The following LAMA2 variants were observed in gnomAD, a reference collection of about 807,000 sequenced individuals.
LAMA2 encodes laminin subunit alpha 2, also known as laminin subunit alpha-2.
Under a neutral mutation model 364.8 loss-of-function variants are expected in LAMA2, and 269 were observed. That is an observed-to-expected ratio of 0.74 (90% confidence interval 0.67 to 0.82). The LOEUF (loss-of-function observed/expected upper bound fraction) is 0.82. Ranked by LOEUF, LAMA2 falls within the 40% of genes least tolerant of loss-of-function variation. The pLI, the probability that LAMA2 is intolerant of heterozygous loss-of-function variation, is 0.00. For missense variants in LAMA2, 3,807 were observed against 3,873.2 expected (o/e 0.98, Z 0.45); for synonymous variants, 1,379 against 1,370.6 (o/e 1.01, Z -0.14).
intron 18 of LAMA2, among the ~76,000 whole-genome samples, chr6:129,281,055 A>G (rs1323370451): frequency 6.6e-6 from 1 of 152,182 alleles, no homozygotes; most frequent in Non-Finnish European, 1.5e-5. Flanking sequence ...GAATTTAGCT[A>G]GCAACTAGCA....
At chr6:129,320,445 A>T (rs1774893019) in intron 27 of LAMA2, 93 bp from the exon 28 acceptor site, 2 of 819,906 alleles carry the variant, frequency 2.4e-6, no homozygotes, top group Admixed American at 3.4e-5. Context: ...GGTTGACAAA[A>T]ACGTGAGAAG....
chr6:129,315,490 T>A lies in LAMA2; in HGVS notation c.3570T>A (p.Ala1190=), dbSNP rs373757863. 4.3e-6 allele frequency: 7 copies of A among 1,614,214 alleles called. No homozygotes were observed. The South Asian group carries it at 7.7e-5, about 18-fold the overall frequency. Residue 1190 remains alanine, a synonymous_variant, in exon 25 of 65, where the codon GCT becomes GCA. Transcript: ENST00000421865. ...ACCCCTTGCAGGTGACTCTGAAGGC[T>A]GAGCAGACCATTCTACCCCTGGTAG... ...GLIRTWVTLK[A]EQTILPLVDE... is the part of the protein sequence containing the mutation.
intron 3 of LAMA2, among the ~76,000 whole-genome samples, chr6:129,078,252 G>A (rs1414145432): frequency 6.6e-6 from 1 of 151,514 alleles, no homozygotes; most frequent in South Asian, 2.1e-4. Context: ...CTCCTGCCTC[G>A]GCTTCCTGAG....
chr6:128,996,580 C>CATTCT (rs1456258242), intron 1 of LAMA2, among the ~76,000 whole-genome samples: 41 of 152,124 alleles, frequency 2.7e-4, no homozygotes, highest in Non-Finnish European at 5.4e-4. Flanking sequence ...AATGAGATAC[C>CATTCT]AACTCATGCC....
chr6:129,023,492 A>G (rs919064803), intron 1 of LAMA2, among the ~76,000 whole-genome samples: 1 of 152,150 alleles, frequency 6.6e-6, no homozygotes, highest in African/African-American at 2.4e-5. Flanking sequence ...AAAGTCTAAC[A>G]TCTAGGCTTT....
intron 1 of LAMA2, among the ~76,000 whole-genome samples, chr6:129,019,453 A>AT (rs1562924434): frequency 6.6e-6 from 1 of 151,362 alleles, no homozygotes; most frequent in African/African-American, 2.4e-5. Context: ...TATTTTCAGT[A>AT]TTTTTTTGTT....
intron 4 of LAMA2, among the ~76,000 whole-genome samples, chr6:129,115,019 A>T (rs1776386028): frequency 1.3e-5 from 2 of 152,146 alleles, no homozygotes; most frequent in South Asian, 2.1e-4. Context: ...TAAAATCCAC[A>T]TAAGAATATT....
intron 41 of LAMA2, chr6:129,436,887 C>G (rs1326789362): frequency 1.3e-5 from 2 of 152,050 alleles, no homozygotes; most frequent in Non-Finnish European, 2.9e-5. Context: ...AAATATGGAA[C>G]ACTTTGCATA....
At chr6:129,320,833 C>A (rs1306063910) in intron 28 of LAMA2, among the ~76,000 whole-genome samples, 178 bp downstream of exon 28, 1 of 152,054 alleles carries the variant, frequency 6.6e-6, no homozygotes, top group Non-Finnish European at 1.5e-5. Context: ...ACAAATCATA[C>A]CTGAAGGGAA....
intron 32 of LAMA2, among the ~76,000 whole-genome samples, chr6:129,354,098 T>G (rs1351440402): frequency 3.3e-5 from 5 of 152,234 alleles, no homozygotes. Flanking sequence ...AGGAAATTTA[T>G]TTTAGCACCT....
intron 33 of LAMA2, among the ~76,000 whole-genome samples, 166 bp from the exon 34 acceptor site, chr6:129,369,726 T>G (rs770890069): frequency 8.5e-5 from 13 of 152,270 alleles, no homozygotes; most frequent in African/African-American, 1.2e-4. Flanking sequence ...TGCCTGAATA[T>G]TTGGCATGAC....
intron 23 of LAMA2, among the ~76,000 whole-genome samples, chr6:129,313,395 A>G (rs989281791): frequency 1.3e-5 from 2 of 152,168 alleles, no homozygotes; most frequent in East Asian, 3.8e-4. Context: ...TGCTTCGATA[A>G]GGACAATCTG....
intron 3 of LAMA2, among the ~76,000 whole-genome samples, chr6:129,090,079 T>C (rs537080272): frequency 6.6e-6 from 1 of 152,330 alleles, no homozygotes; most frequent in South Asian, 2.1e-4. Flanking sequence ...AATATTATTA[T>C]GTGAAAGGGA....
chr6:129,374,176 C>A (rs974134489), intron 34 of LAMA2, among the ~76,000 whole-genome samples: 2 of 152,172 alleles, frequency 1.3e-5, no homozygotes, highest in Non-Finnish European at 2.9e-5. Context: ...GGTCAAGCTG[C>A]ATGACAATCA....
At chr6:129,426,928 A>T (rs954440663) in intron 40 of LAMA2, among the ~76,000 whole-genome samples, 3 of 152,154 alleles carry the variant, frequency 2.0e-5, no homozygotes, top group African/African-American at 7.2e-5. Flanking sequence ...GCACTCTCCA[A>T]CCCTTCTTGC....
At chr6:129,272,930 G>A (rs1055260179) in intron 17 of LAMA2, among the ~76,000 whole-genome samples, 16 of 152,078 alleles carry the variant, frequency 1.1e-4, no homozygotes, top group African/African-American at 3.6e-4. Flanking sequence ...TGGAAAAATT[G>A]TCTCCAACAA....
At chr6:129,486,418 A>G in intron 55 of LAMA2, 56 bp from the exon 56 acceptor site, 1 of 1,568,204 alleles carries the variant, frequency 6.4e-7, no homozygotes, top group South Asian at 1.1e-5. Context: ...GAATCTCTAA[A>G]GCTAAGCCAT....
intron 37 of LAMA2, among the ~76,000 whole-genome samples, chr6:129,399,356 T>TAA (rs951922408): frequency 1.3e-5 from 2 of 152,222 alleles, no homozygotes; most frequent in African/African-American, 4.8e-5. Context: ...GGGTTCTTGT[T>TAA]AAAGTGCAGA....
At chr6:129,487,058 G>C (rs954737098) in intron 56 of LAMA2, among the ~76,000 whole-genome samples, 1 of 152,198 alleles carries the variant, frequency 6.6e-6, no homozygotes, top group Non-Finnish European at 1.5e-5. Flanking sequence ...CACAGATACA[G>C]AGTGTGGCAG....
Sources: allele counts gnomAD v4.1 joint callset (sites outside exome capture counted in the v4.1 genomes callset), GRCh38; gene constraint gnomAD v4.1.1; transcripts MANE v1.5; gene names NCBI Gene and HGNC (gene_info 2026-07-23, HGNC 2026-07-21).